Variants in ZNF479 observed in about 807,000 individuals in gnomAD.
ZNF479 encodes zinc finger protein 479.
ZNF479 carries 15 observed loss-of-function variants against 14.7 expected under a neutral mutation model. That is an observed-to-expected ratio of 1.02 (90% confidence interval 0.68 to 1.57). The LOEUF is 1.57. Among genes scored for constraint, ZNF479 ranks in the 40% most tolerant of loss-of-function variants. The pLI, the probability that ZNF479 is intolerant of heterozygous loss-of-function variation, is 0.00. For missense variants in ZNF479, 506 were observed against 615.1 expected (o/e 0.82, Z 1.88); for synonymous variants, 145 against 211.5 (o/e 0.69, Z 2.73).
intron 1 of ZNF479, among the ~76,000 whole-genome samples, chr7:57,130,154 A>C (rs1051136521): frequency 1.2e-4 from 18 of 152,244 alleles, no homozygotes; most frequent in Non-Finnish European, 5.9e-5. Flanking sequence ...GAAATGAAGA[A>C]GTTTGAGACA....
At chr7:57,130,618 C>T (rs912139848) in intron 1 of ZNF479, among the ~76,000 whole-genome samples, 1 of 152,028 alleles carries the variant, frequency 6.6e-6, no homozygotes, top group Non-Finnish European at 1.5e-5. Context: ...AAAACAGATG[C>T]TTGTGAGGTT....
chr7:57,120,507 C>T lies in ZNF479; in HGVS notation c.908G>A (p.Gly303Asp), dbSNP rs202016237. 4 of 1,612,280 alleles carry T rather than the reference C, an allele frequency of 2.5e-6. No individual in the cohort carries two copies. Among genetic ancestry groups the T allele is most frequent in the Non-Finnish European group, 1.7e-6 (2 of 1,179,646 alleles). Residue 303 changes from glycine to aspartate, a missense_variant, in exon 4 of 4, where the codon GGC (glycine) becomes GAC (aspartate). Gly to Asp is a moderately conservative substitution (Grantham distance 94). Around this residue, in one of 3 missense-constraint regions of ZNF479, gnomAD observed 420 missense variants for 474.2 expected, o/e 0.89. Transcript: ENST00000319636. ...GGTTGAGGATACGCTAAAGGCTTTG[C>T]CACATTCTTCACATTTGTAGGGTCT... The part of the protein sequence containing the change: ...GERPYKCEEC[G>D]KAFSVSSTLT...
In ZNF479 at chr7:57,119,572, A is replaced by T; in HGVS notation, c.*268T>A. 1 of 385,996 alleles carries T rather than the reference A, an allele frequency of 2.6e-6. No homozygotes were observed. Among genetic ancestry groups the T allele is most frequent in the Non-Finnish European group, 4.8e-6 (1 of 208,454 alleles). The allele number at this position is 385,996 out of a possible 1,614,324, so 23.9% of individuals were successfully genotyped here. A position where few individuals can be genotyped will look rare whatever the true frequency, so the allele number is the denominator to read the frequency against. On this transcript the variant is annotated 3_prime_UTR_variant, in exon 4 of 4. Transcript: ENST00000319636. Reference sequence around the variant, plus strand: ...CAGTGAGCTGAGATCATGACACTGCACTCCAGCCTGGGTGACACAGGGAGA... The same window carrying T: ...CAGTGAGCTGAGATCATGACACTGCTCTCCAGCCTGGGTGACACAGGGAGA...
intron 1 of ZNF479, among the ~76,000 whole-genome samples, chr7:57,137,791 T>A (rs1045149883): frequency 6.6e-6 from 1 of 152,186 alleles, no homozygotes; most frequent in Non-Finnish European, 1.5e-5. Context: ...TCCCAGGGTA[T>A]TGTGACATAT....
upstream of ZNF479, among the ~76,000 whole-genome samples, chr7:57,133,285 C>T (rs745755538): frequency 1.1e-4 from 17 of 152,066 alleles, no homozygotes; most frequent in African/African-American, 3.4e-4. Context: ...ACGTCCTCCC[C>T]GGTTCTTTCT....
At chr7:57,125,149 G>C (rs1427795687) in intron 3 of ZNF479, among the ~76,000 whole-genome samples, 1 of 152,096 alleles carries the variant, frequency 6.6e-6, no homozygotes, top group African/African-American at 2.4e-5. Flanking sequence ...GCATTTGAAA[G>C]GTTGCACAAA....
At chr7:57,133,564 A>G (rs1786523808), upstream of ZNF479, among the ~76,000 whole-genome samples, 1 of 152,154 alleles carries the variant, frequency 6.6e-6, no homozygotes, top group African/African-American at 2.4e-5. Context: ...CAAATGTTAA[A>G]AAGTAAAAAG....
At chr7:57,137,571 G>C (rs1315747404) in intron 1 of ZNF479, among the ~76,000 whole-genome samples, 4 of 152,218 alleles carry the variant, frequency 2.6e-5, no homozygotes, top group Non-Finnish European at 4.4e-5. Context: ...CAACTCAAAG[G>C]AAGTATTGAC....
intron 1 of ZNF479, among the ~76,000 whole-genome samples, chr7:57,130,168 A>G (rs1009322398): frequency 2.2e-4 from 34 of 152,222 alleles, no homozygotes; most frequent in Non-Finnish European, 4.0e-4. Context: ...TGAGACATAA[A>G]TAACTATAAA....
In ZNF479 at chr7:57,119,066, A is replaced by AT. The variant is rs1785790556; in HGVS notation, c.*773dup. 1.3e-5 allele frequency among the ~76,000 whole-genome samples: 2 copies of AT among 152,206 alleles called. No individual in the cohort carries two copies. On this transcript the variant is annotated 3_prime_UTR_variant, in exon 4 of 4. Coordinates refer to ENST00000319636, the MANE Select transcript of ZNF479 (RefSeq NM_001370129.2). ...GAGAACCAGTTAAAGGGTTTGCCAC[A>AT]TTTTTTTCTGCAATTGCAGGGTTTC... is the stretch of plus-strand genomic sequence containing the variant.
Position 57,121,045 on chromosome 7 carries a change from G to T in ZNF479, c.370C>A (p.Gln124Lys). ...TYGKCGHEKL[Q>K]FKKCCKSVGE... is the part of the protein sequence containing the mutation. ...ACACTTTTACAGCATTTTTTAAATT[G>T]TAATTTCTCATGTCCACATTTTCCA... The change falls in exon 4 of 4, where the codon CAA (glutamine) becomes AAA (lysine). Residue 124 changes from glutamine to lysine, a missense_variant. Around this residue, in one of 3 missense-constraint regions of ZNF479, gnomAD observed 420 missense variants for 474.2 expected, o/e 0.89. Coordinates refer to ENST00000319636, the MANE Select transcript of ZNF479 (RefSeq NM_001370129.2). 2 of 1,613,838 alleles carry T rather than the reference G, an allele frequency of 1.2e-6. No individual in the cohort carries two copies. Among genetic ancestry groups the T allele is most frequent in the Non-Finnish European group, 1.7e-6 (2 of 1,179,944 alleles).
intron 3 of ZNF479, among the ~76,000 whole-genome samples, chr7:57,125,228 G>A (rs1439028356): frequency 6.6e-6 from 1 of 151,996 alleles, no homozygotes; most frequent in Non-Finnish European, 1.5e-5. Context: ...CATCAATTAG[G>A]ATGGCCACTA....
chr7:57,139,417 G>A lies in ZNF479; in HGVS notation c.-15+191C>T, dbSNP rs565169325. On this transcript the variant is annotated intron_variant, in intron 1 of 4. Coordinates refer to the ZNF479 transcript ENST00000331162. ...ACAGCCAGTCCACTGTTGAGGTTGT[G>A]AGTCAAATACTTAACCATATCTCGC... Among the ~76,000 whole-genome samples, 21 of 152,324 alleles carry A rather than the reference G, an allele frequency of 1.4e-4. No individual in the cohort carries two copies. In the South Asian group the frequency reaches 4.3e-3, roughly 32 times the overall value.
upstream of ZNF479, among the ~76,000 whole-genome samples, chr7:57,135,973 A>ATCTCTCTCTCTCTCTCCCTCTC (rs1786632494): frequency 1.6e-5 from 2 of 125,212 alleles, no homozygotes; most frequent in African/African-American, 6.7e-5. Flanking sequence ...CTCTCTCTCA[A>ATCTCTCTCTCTCTCTCCCTCTC]TCTCTCTCTC....
chr7:57,133,085 G>T (rs1180419054), upstream of ZNF479, among the ~76,000 whole-genome samples: 2 of 152,162 alleles, frequency 1.3e-5, no homozygotes, highest in African/African-American at 4.8e-5. Context: ...AGTGAGCCGA[G>T]ATGGCGCCAT....
At chr7:57,132,182 G>A (rs1786459644) in intron 1 of ZNF479, 104 bp downstream of exon 1, 1 of 1,600,916 alleles carries the variant, frequency 6.2e-7, no homozygotes. Flanking sequence ...GGGTCGGCAG[G>A]CCCTGGAACT....
In ZNF479 at chr7:57,119,878, T is replaced by G. The variant is rs1785824124; in HGVS notation, c.1537A>C (p.Ile513Leu). Residue 513 changes from isoleucine (I) to leucine (L), a missense_variant, in exon 4 of 4, where the codon ATA (isoleucine) becomes CTA (leucine). Transcript: ENST00000319636. The stretch of plus-strand genomic sequence containing the variant: ...TAGGGTTTCTCTCCAGTGTGAATTA[T>G]CTTATGTTTAGCAAGACTTGAATGC... The part of the protein sequence containing the change: ...KWHSSLAKHK[I>L]IHTGEKPYKC... 6.2e-7 allele frequency: 1 copy of G among 1,613,414 alleles called. No homozygotes were observed. The highest frequency in any genetic ancestry group is 1.3e-5 in the African/African-American group (1 of 74,944).
rs1785764821 is a variant in ZNF479 at position 57,118,247 on chromosome 7, C to CA, written c.*1592dup. ...TTTTTCCTTTAATATAAAATGTGTACAATAAAATCTGTAATGGAAGTAAAG... is the reference window on the plus strand; with the variant it reads ...TTTTTCCTTTAATATAAAATGTGTACAAATAAAATCTGTAATGGAAGTAAAG... On this transcript the variant is annotated 3_prime_UTR_variant, in exon 4 of 4. Transcript: ENST00000319636. Among the ~76,000 whole-genome samples, 1 of 152,234 alleles carries CA rather than the reference C, an allele frequency of 6.6e-6. No individual in the cohort carries two copies. Among genetic ancestry groups the CA allele is most frequent in the African/African-American group, 2.4e-5 (1 of 41,456 alleles).
intron 1 of ZNF479, chr7:57,139,460 A>C (rs1013483989): frequency 6.6e-6 from 1 of 152,242 alleles, no homozygotes; most frequent in Admixed American, 6.5e-5. Flanking sequence ...GTTGACTGTC[A>C]TAAGTGAAGC....
Sources: gnomAD v4.1 joint callset for allele counts (sites outside exome capture counted in the v4.1 genomes callset) on GRCh38, gnomAD v4.1.1 for gene constraint, gnomAD v4.1.1 regional missense constraint, MANE v1.5 for transcripts, NCBI Gene and HGNC (gene_info 2026-07-23, HGNC 2026-07-21) for gene names.